Variants in TRMU observed in about 807,000 individuals in gnomAD.
The protein encoded by TRMU is tRNA mitochondrial 2-thiouridylase, also known as mitochondrial tRNA-specific 2-thiouridylase 1.
A neutral mutation model predicts 46.9 loss-of-function variants in TRMU; 49 were observed. The ratio of observed to expected loss-of-function variants is 1.05; its 90% CI spans 0.83 to 1.33. The LOEUF (loss-of-function observed/expected upper bound fraction) is 1.33. TRMU is among the 40% of genes most tolerant of loss of function. The pLI is 0.00. For missense variants in TRMU, 572 were observed against 532.4 expected (o/e 1.07, Z -0.73); for synonymous variants, 241 against 200.9 (o/e 1.20, Z -1.69).
chr22:46,346,692 G>T, intron 4 of TRMU, 148 bp downstream of exon 4: 1 of 1,032,724 alleles, frequency 9.7e-7, no homozygotes, highest in East Asian at 2.7e-5. Flanking sequence ...TTGAAAAGGT[G>T]CAGTTACCAA....
rs1433173772 is a variant in TRMU at position 46,339,968 on chromosome 22, A to G, written c.248+2024A>G. Among the ~76,000 whole-genome samples, 1 of 151,908 alleles carries G rather than the reference A, an allele frequency of 6.6e-6. No individual in the cohort carries two copies. The highest frequency in any genetic ancestry group is 2.4e-5 in the African/African-American group (1 of 41,356). ...AAAAAAGAGTGTGGCGGCCAAATAC[A>G]GGATAAATCTGGGGGAAGACCAAAG... is the stretch of plus-strand genomic sequence containing the variant. On this transcript the variant is annotated intron_variant, in intron 2 of 10. Transcript: ENST00000645190. The surrounding 1 kb of genome is among the most constrained non-coding windows in gnomAD (Gnocchi z 4.8).
At position 46,347,330 on chromosome 22, in the gene TRMU, A is replaced by G. The variant is rs892268925; in HGVS notation, c.478+786A>G. On this transcript the variant is annotated intron_variant, in intron 4 of 10. Transcript: ENST00000645190. The surrounding 1 kb of genome is among the most constrained non-coding windows in gnomAD (Gnocchi z 5.0). The stretch of plus-strand genomic sequence containing the variant: ...GGCTGGGGCAGGGCTTTACATACAC[A>G]CATTTCTTTTTTAATTATTATTATT... The G allele has an allele frequency of 2.0e-5, 3 of 152,006 alleles. No homozygotes were observed. The highest frequency in any genetic ancestry group is 4.4e-5 in the Non-Finnish European group (3 of 68,014). The allele number at this position is 152,006 out of a possible 1,614,324, so 9.4% of individuals were successfully genotyped here.
chr22:46,345,607 C>T (rs2078232396), intron 3 of TRMU, among the ~76,000 whole-genome samples: 1 of 152,158 alleles, frequency 6.6e-6, no homozygotes, highest in Non-Finnish European at 1.5e-5. Flanking sequence ...TGTTTCTGTA[C>T]AGTAAAAACC....
Position 46,357,108 on chromosome 22 carries a change from C to T in TRMU, c.*102C>T. On this transcript the variant is annotated 3_prime_UTR_variant, in exon 11 of 11. Transcript: ENST00000645190. The stretch of plus-strand genomic sequence containing the variant: ...AGGGCCAGCTTGCTGCTGCCCAAAG[C>T]AGAGGAAGCCGGGCTGGCTGAGGGT... 6 of 1,528,482 alleles carry T rather than the reference C, an allele frequency of 3.9e-6. No individual in the cohort carries two copies. Among genetic ancestry groups the T allele is most frequent in the Non-Finnish European group, 3.6e-6 (4 of 1,123,216 alleles). The allele number at this position is 1,528,482 out of a possible 1,614,324, so 94.7% of individuals were successfully genotyped here.
chr22:46,355,809 A>C lies in TRMU; in HGVS notation c.1019-181A>C. Reference sequence around the variant, plus strand: ...AGGCAGGCCCCGGCGTGTTGGGCTGAAGCAAGTGTGTACACTGCCCCGCAG... The same window carrying C: ...AGGCAGGCCCCGGCGTGTTGGGCTGCAGCAAGTGTGTACACTGCCCCGCAG... On this transcript the variant is annotated intron_variant, in intron 9 of 10. Coordinates refer to ENST00000645190, the MANE Select transcript of TRMU (RefSeq NM_018006.5). The C allele has an allele frequency of 5.0e-6, 5 of 1,009,778 alleles. No homozygotes were observed. In the South Asian group the frequency reaches 5.7e-5, roughly 12 times the overall value. The allele number at this position is 1,009,778 out of a possible 1,614,324, so 62.6% of individuals were successfully genotyped here. A position where few individuals can be genotyped will look rare whatever the true frequency, so the allele number is the denominator to read the frequency against.
In TRMU at chr22:46,350,998, AGTGTAAACCTAGAAAAT is replaced by A. The variant is rs2078405168; in HGVS notation, c.651+538_651+554del. 6.6e-6 allele frequency among the ~76,000 whole-genome samples: 1 copy of A among 152,230 alleles called. No homozygotes were observed. Among genetic ancestry groups the A allele is most frequent in the African/African-American group, 2.4e-5 (1 of 41,464 alleles). The stretch of plus-strand genomic sequence containing the variant: ...GGGGGACACAGGCAGGAGGCCAATC[AGTGTAAACCTAGAAAAT>A]GTCTACGGAGGGAGGTGTAGGACCC... On this transcript the variant is annotated intron_variant, in intron 5 of 10. Coordinates refer to ENST00000645190, the MANE Select transcript of TRMU (RefSeq NM_018006.5). This position sits in a 1 kb window ranked among gnomAD's most constrained non-coding sequence, Gnocchi z 4.6.
Position 46,336,154 on chromosome 22 carries a change from A to G in TRMU, c.82+308A>G. On this transcript the variant is annotated intron_variant, in intron 1 of 10. Coordinates refer to ENST00000645190, the MANE Select transcript of TRMU (RefSeq NM_018006.5). The surrounding 1 kb of genome is among the most constrained non-coding windows in gnomAD (Gnocchi z 4.1). ...TGGGGTGGGGAGGGAAGGGTTTCTC[A>G]CGGATCTGCGGCGTCCACATTCACC... 7.8e-6 allele frequency: 10 copies of G among 1,283,844 alleles called. No individual in the cohort carries two copies. The highest frequency in any genetic ancestry group is 3.1e-4 in the Middle Eastern group (1 of 3,268). 79.5% of individuals were successfully genotyped at this position (1,283,844 alleles called of 1,614,324 possible).
rs2078422017 is a variant in TRMU, at chr22:46,351,473, A to C, written c.652-648A>C. On this transcript the variant is annotated intron_variant, in intron 5 of 10. Coordinates refer to ENST00000645190, the MANE Select transcript of TRMU (RefSeq NM_018006.5). The surrounding 1 kb of genome is among the most constrained non-coding windows in gnomAD (Gnocchi z 6.4). The stretch of plus-strand genomic sequence containing the variant: ...TGCTCCTTCGTGTCTCTTCCTGGTA[A>C]TGGAAACGGCCATACCTTTCATCAG... Among the ~76,000 whole-genome samples the C allele has an allele frequency of 6.6e-6, 1 of 152,082 alleles. No homozygotes were observed.
chr22:46,343,159 A>G (rs182266519), intron 2 of TRMU, 103 bp from the exon 3 acceptor site: 2 of 818,152 alleles, frequency 2.4e-6, no homozygotes, highest in East Asian at 5.2e-5. Context: ...TAGTTTTGGT[A>G]TGACAAGGGG....
chr22:46,339,134 T>C lies in TRMU; in HGVS notation c.248+1190T>C, dbSNP rs992451546. Reference sequence around the variant, plus strand: ...GCCTGGTATATTAGTAAGCAGTCAATAAACATAGCTGTTTTTCTTTTCTAT... The same window carrying C: ...GCCTGGTATATTAGTAAGCAGTCAACAAACATAGCTGTTTTTCTTTTCTAT... On this transcript the variant is annotated intron_variant, in intron 2 of 10. Coordinates refer to ENST00000645190, the MANE Select transcript of TRMU (RefSeq NM_018006.5). The surrounding 1 kb of genome is among the most constrained non-coding windows in gnomAD (Gnocchi z 4.8). 1.3e-5 allele frequency among the ~76,000 whole-genome samples: 2 copies of C among 151,826 alleles called. No individual in the cohort carries two copies. The highest frequency in any genetic ancestry group is 2.9e-5 in the Non-Finnish European group (2 of 68,028).
intron 2 of TRMU, among the ~76,000 whole-genome samples, chr22:46,341,571 GT>G (rs924876560): frequency 3.9e-4 from 58 of 149,112 alleles, no homozygotes; most frequent in African/African-American, 1.2e-3. Context: ...ATCAGCACTG[GT>G]TTTTTTTTTA....
chr22:46,352,464 CG>C, intron 7 of TRMU, 134 bp downstream of exon 7: 3 of 1,081,084 alleles, frequency 2.8e-6, no homozygotes, highest in Non-Finnish European at 4.2e-6. Flanking sequence ...GTGGGGCGGC[CG>C]GGGGCGGGCA....
chr22:46,350,227 T>C lies in TRMU; in HGVS notation c.479-64T>C. 3.1e-6 allele frequency: 5 copies of C among 1,594,584 alleles called. No individual in the cohort carries two copies. Among genetic ancestry groups the C allele is most frequent in the Middle Eastern group, 1.7e-4 (1 of 6,016 alleles). ...GTCTGTCTAAGTGAACAGAAGGACA[T>C]TGTTGAAAGTGAAGTATCATTATTT... On this transcript the variant is annotated intron_variant, in intron 4 of 10. Coordinates refer to ENST00000645190, the MANE Select transcript of TRMU (RefSeq NM_018006.5). The surrounding 1 kb of genome is among the most constrained non-coding windows in gnomAD (Gnocchi z 4.6).
At chr22:46,353,889 A>C in intron 8 of TRMU, 22 bp downstream of exon 8, 2 of 1,609,986 alleles carry the variant, frequency 1.2e-6, no homozygotes, top group African/African-American at 1.3e-5. Context: ...GGCCTCTGAG[A>C]CAGCACTGGG....
chr22:46,355,938 G>T (rs2078591427), intron 9 of TRMU, 52 bp from the exon 10 acceptor site: 1 of 1,601,546 alleles, frequency 6.2e-7, no homozygotes. Flanking sequence ...GGGGCCTGAG[G>T]TCGACCAGGA....
Position 46,356,973 on chromosome 22 carries a change from A to T in TRMU, c.1233A>T (p.Pro411=), listed in dbSNP as rs1193414283. The change falls in exon 11 of 11, where the codon CCA becomes CCT. Residue 411 remains proline, a synonymous_variant. Coordinates refer to ENST00000645190, the MANE Select transcript of TRMU (RefSeq NM_018006.5). ...CCACTGAGAGCCCCAGTGACAGCCC[A>T]GAAGATGGTCCAGGCCTGAGTCCCT... ...GMATESPSDS[P]EDGPGLSPLL is the part of the protein sequence containing the mutation. 1 of 1,613,572 alleles carries T rather than the reference A, an allele frequency of 6.2e-7. No individual in the cohort carries two copies.
intron 3 of TRMU, among the ~76,000 whole-genome samples, chr22:46,345,712 G>T (rs965903974): frequency 1.3e-5 from 2 of 151,834 alleles, no homozygotes; most frequent in Non-Finnish European, 2.9e-5. Context: ...CATTGTTACG[G>T]CAGTGCATTG....
chr22:46,341,245 A>G (rs1353571870), intron 2 of TRMU, among the ~76,000 whole-genome samples: 1 of 152,236 alleles, frequency 6.6e-6, no homozygotes, highest in Non-Finnish European at 1.5e-5. Flanking sequence ...ACTGATTTTA[A>G]TGTTCAGCCT....
chr22:46,355,735 T>C, intron 9 of TRMU, 147 bp downstream of exon 9: 2 of 1,386,764 alleles, frequency 1.4e-6, no homozygotes, highest in Non-Finnish European at 2.0e-6. Flanking sequence ...AGAACTCCCG[T>C]GTCCTGTGCC....
Sources: allele counts gnomAD v4.1 joint callset (sites outside exome capture counted in the v4.1 genomes callset), GRCh38; gene constraint gnomAD v4.1.1; non-coding constraint Gnocchi (gnomAD v3.1); transcripts MANE v1.5; gene names NCBI Gene and HGNC (gene_info 2026-07-23, HGNC 2026-07-21).